NUDT21: variants seen among roughly 807,000 people sequenced by gnomAD.
The protein encoded by NUDT21 is nudix hydrolase 21.
NUDT21 carries 5 observed loss-of-function variants against 29.8 expected under a neutral mutation model. The observed-to-expected ratio is 0.17, with a 90% CI of 0.09 to 0.35. NUDT21 has a LOEUF of 0.35. NUDT21 is among the 10% of genes least tolerant of loss of function. NUDT21 has a pLI of 1.00. For synonymous variants in NUDT21, 113 were observed against 98.5 expected (o/e 1.15, Z -0.87); for missense variants, 76 against 276.0 (o/e 0.28, Z 5.13).
intron 1 of NUDT21, 98 bp from the exon 2 acceptor site, chr16:56,448,087 T>A: frequency 1.0e-6 from 1 of 972,102 alleles, no homozygotes; most frequent in South Asian, 1.6e-5. Flanking sequence ...AAAAAGTGCA[T>A]ATATTGTACT....
At chr16:56,435,778 T>C (rs1404000646) in intron 4 of NUDT21, among the ~76,000 whole-genome samples, 2 of 107,374 alleles carry the variant, frequency 1.9e-5, no homozygotes, top group Non-Finnish European at 3.7e-5. Context: ...TATATATATA[T>C]ATATATGATC....
intron 3 of NUDT21, among the ~76,000 whole-genome samples, chr16:56,443,172 AT>A (rs111235267): frequency 2.0e-5 from 3 of 148,738 alleles, no homozygotes; most frequent in East Asian, 2.0e-4. Flanking sequence ...GGACTACAAT[AT>A]TTTTTTTTCT....
chr16:56,439,528 G>T, intron 4 of NUDT21, 129 bp downstream of exon 4: 3 of 725,656 alleles, frequency 4.1e-6, no homozygotes, highest in East Asian at 5.0e-5. Context: ...GCTTAATTTT[G>T]TAATTTAAAT....
chr16:56,432,810 G>T, intron 6 of NUDT21, 77 bp from the exon 7 acceptor site: 1 of 1,065,104 alleles, frequency 9.4e-7, no homozygotes, highest in Non-Finnish European at 1.4e-6. Flanking sequence ...AAATTTATCT[G>T]GATGTTTCTG....
rs1242204587 is a variant in NUDT21 at position 56,430,740 on chromosome 16, G to A, written c.*1972C>T. ...AGAGCAAAAAGTTTTTAAGACTTCC[G>A]TTTGTGTGTTGCAACTTTTACATTC... On this transcript the variant is annotated 3_prime_UTR_variant, in exon 7 of 7. Transcript: ENST00000300291. 1.3e-5 allele frequency: 2 copies of A among 152,186 alleles called. No homozygotes were observed. The highest frequency in any genetic ancestry group is 2.4e-5 in the African/African-American group (1 of 41,446). The allele number at this position is 152,186 out of a possible 1,614,324, so 9.4% of individuals were successfully genotyped here.
chr16:56,442,770 T>C (rs1198865295), intron 3 of NUDT21, among the ~76,000 whole-genome samples: 1 of 152,246 alleles, frequency 6.6e-6, no homozygotes, highest in Non-Finnish European at 1.5e-5. Flanking sequence ...ATATTGGTCC[T>C]TCTAGAATGA....
At chr16:56,443,144 C>A (rs1453585330) in intron 3 of NUDT21, among the ~76,000 whole-genome samples, 2 of 151,612 alleles carry the variant, frequency 1.3e-5, no homozygotes, top group Non-Finnish European at 2.9e-5. Context: ...ATTGTCACCT[C>A]TGTGTGCATG....
Position 56,434,893 on chromosome 16 carries a change from C to T in NUDT21, c.472-64G>A, listed in dbSNP as rs1376425957. On this transcript the variant is annotated intron_variant, in intron 4 of 6. Transcript: ENST00000300291. ...ATGGCTTCATTTCTTTACATGTTTA[C>T]TCCCCAGTATAGTATAAACTGTTGG... 8.1e-6 allele frequency: 8 copies of T among 989,020 alleles called. No homozygotes were observed. In the African/African-American group the frequency reaches 1.3e-4, roughly 16 times the overall value. 61.3% of individuals were successfully genotyped at this position (989,020 alleles called of 1,614,324 possible). A position where few individuals can be genotyped will look rare whatever the true frequency, so the allele number is the denominator to read the frequency against.
intron 2 of NUDT21, chr16:56,447,574 C>T (rs1416838829): frequency 1.7e-5 from 9 of 534,158 alleles, no homozygotes; most frequent in Non-Finnish European, 3.0e-5. Context: ...CAATCATTAA[C>T]ATCAACAACA....
chr16:56,444,866 T>A (rs1237891379), intron 3 of NUDT21, among the ~76,000 whole-genome samples: 1 of 152,088 alleles, frequency 6.6e-6, no homozygotes, highest in South Asian at 2.1e-4. Context: ...TCTCAAACTT[T>A]TTGAGCACTG....
intron 6 of NUDT21, among the ~76,000 whole-genome samples, chr16:56,433,249 A>G (rs564347377): frequency 9.9e-5 from 15 of 152,248 alleles, no homozygotes; most frequent in African/African-American, 3.6e-4. Context: ...ACATTTATTA[A>G]GTATGTACCA....
At chr16:56,445,936 G>C (rs1471883894) in intron 3 of NUDT21, among the ~76,000 whole-genome samples, 1 of 152,200 alleles carries the variant, frequency 6.6e-6, no homozygotes. Context: ...AATTACGGGT[G>C]ACTTTAGTTT....
intron 4 of NUDT21, among the ~76,000 whole-genome samples, chr16:56,435,770 T>TATATATATATATAC (rs1962096531): frequency 1.0e-5 from 1 of 98,758 alleles, no homozygotes; most frequent in African/African-American, 3.7e-5. Context: ...TATATATATA[T>TATATATATATATAC]ATATATATAT....
At chr16:56,436,401 T>C (rs1203767019) in intron 4 of NUDT21, among the ~76,000 whole-genome samples, 1 of 152,222 alleles carries the variant, frequency 6.6e-6, no homozygotes, top group Non-Finnish European at 1.5e-5. Flanking sequence ...TCTTATCTAA[T>C]TATAAAAGCC....
rs1267135040 is a variant in NUDT21 at position 56,451,273 on chromosome 16, G to C, written c.-71C>G. 1.6e-5 allele frequency: 19 copies of C among 1,192,590 alleles called. No homozygotes were observed. The highest frequency in any genetic ancestry group is 2.0e-5 in the Non-Finnish European group (17 of 837,066). 73.9% of individuals were successfully genotyped at this position (1,192,590 alleles called of 1,614,324 possible). A position where few individuals can be genotyped will look rare whatever the true frequency, so the allele number is the denominator to read the frequency against. On this transcript the variant is annotated 5_prime_UTR_variant, in exon 1 of 7. Coordinates refer to ENST00000300291, the MANE Select transcript of NUDT21 (RefSeq NM_007006.3). ...GGTAGACTTTCCCCGTGCGGGAAGC[G>C]GTTATCTGCAATCCCCTCAGCGGCT...
intron 1 of NUDT21, chr16:56,449,106 T>C (rs140760445): frequency 2.6e-4 from 39 of 152,368 alleles, no homozygotes; most frequent in African/African-American, 4.6e-4. Context: ...ATATGCTACA[T>C]AGAACGACGT....
At chr16:56,442,063 A>C (rs530954381) in intron 3 of NUDT21, among the ~76,000 whole-genome samples, 1 of 152,224 alleles carries the variant, frequency 6.6e-6, no homozygotes, top group Admixed American at 6.5e-5. Flanking sequence ...AAGCCACAGC[A>C]CCAGGCTAAT....
chr16:56,430,764 T>C lies in NUDT21; in HGVS notation c.*1948A>G, dbSNP rs1317191980. 3 of 152,226 alleles carry C rather than the reference T, an allele frequency of 2.0e-5. No individual in the cohort carries two copies. Among genetic ancestry groups the C allele is most frequent in the Non-Finnish European group, 4.4e-5 (3 of 68,044 alleles). 9.4% of individuals were successfully genotyped at this position (152,226 alleles called of 1,614,324 possible). A position where few individuals can be genotyped will look rare whatever the true frequency, so the allele number is the denominator to read the frequency against. ...CGTTTGTGTGTTGCAACTTTTACAT[T>C]CAAAACCAGATCTCTTACATTTCAA... is the stretch of plus-strand genomic sequence containing the variant. On this transcript the variant is annotated 3_prime_UTR_variant, in exon 7 of 7. Transcript: ENST00000300291.
rs1962306260 is a variant in NUDT21, at chr16:56,451,074, G to A, written c.116+13C>T. ...CACGAGAGAAATGCCCGCCAAGGCC[G>A]CGCCGCACTTACAGGTTGATGGTGC... On this transcript the variant is annotated intron_variant, in intron 1 of 6. Transcript: ENST00000300291. The A allele has an allele frequency of 3.1e-6, 5 of 1,606,854 alleles. No individual in the cohort carries two copies. Among genetic ancestry groups the A allele is most frequent in the African/African-American group, 2.7e-5 (2 of 74,762 alleles).
Sources: allele counts gnomAD v4.1 joint callset (sites outside exome capture counted in the v4.1 genomes callset), GRCh38; gene constraint gnomAD v4.1.1; transcripts MANE v1.5; gene names NCBI Gene and HGNC (gene_info 2026-07-23, HGNC 2026-07-21).